RYR3: variants seen among roughly 807,000 people sequenced by gnomAD.
RYR3 encodes the protein ryanodine receptor 3, also known as brain ryanodine receptor-calcium release channel.
Under a neutral mutation model 584.3 loss-of-function variants are expected in RYR3, and 207 were observed. The ratio of observed to expected loss-of-function variants is 0.35; its 90% confidence interval spans 0.32 to 0.40. The LOEUF (loss-of-function observed/expected upper bound fraction) is 0.40. Among genes scored for constraint, RYR3 ranks in the 10% least tolerant of loss-of-function variants. The pLI is 1.00. For synonymous variants in RYR3, 2,416 were observed against 2,248.5 expected (o/e 1.07, Z -2.11); for missense variants, 5,616 against 6,089.2 (o/e 0.92, Z 2.59).
intron 41 of RYR3, among the ~76,000 whole-genome samples, chr15:33,700,434 TTGAAAAC>T (rs1176611797): frequency 6.6e-6 from 1 of 152,228 alleles, no homozygotes; most frequent in Non-Finnish European, 1.5e-5. Flanking sequence ...ATACTTGCAC[TTGAAAAC>T]TGAAGTTTCA....
Position 33,700,171 on chromosome 15 carries a change from A to T in RYR3, c.6379+338A>T, listed in dbSNP as rs148259271. Among the ~76,000 whole-genome samples the T allele has an allele frequency of 1.8e-4, 28 of 152,264 alleles. No homozygotes were observed. The East Asian group carries it at 4.8e-3, about 26-fold the overall frequency. On this transcript the variant is annotated intron_variant, in intron 41 of 103. Coordinates refer to ENST00000634891, the MANE Select transcript of RYR3 (RefSeq NM_001036.6). ...CTGGGGGCACAGCTCTTCCCAGCCCACTCAACTGACCAGGGAGCAGTGCTG... is the reference window on the plus strand; with the variant it reads ...CTGGGGGCACAGCTCTTCCCAGCCCTCTCAACTGACCAGGGAGCAGTGCTG...
At position 33,818,615 on chromosome 15, in the gene RYR3, C is replaced by G. The variant is rs550033490; in HGVS notation, c.10637C>G (p.Thr3546Arg). 6 of 1,613,814 alleles carry G rather than the reference C, an allele frequency of 3.7e-6. No homozygotes were observed. In the Admixed American group the frequency reaches 5.0e-5, roughly 13 times the overall value. ...GTGGAAGAGGAGGAGGAGGAAGAGA[C>G]AGAAAAACAACCTGACCCACTACAT... is the stretch of plus-strand genomic sequence containing the variant. ...PKVEEEEEEE[T>R]EKQPDPLHQI... Residue 3546 changes from threonine to arginine, a missense_variant, in exon 76 of 104, where the codon ACA becomes AGA. Physicochemically the swap from Thr to Arg is moderately conservative, Grantham distance 71 (BLOSUM62 -1). Transcript: ENST00000634891.
At chr15:33,630,299 G>C (rs1440334910) in intron 22 of RYR3, among the ~76,000 whole-genome samples, 1 of 152,046 alleles carries the variant, frequency 6.6e-6, no homozygotes, top group Non-Finnish European at 1.5e-5. Context: ...TAGAATCAAA[G>C]GACCAAGTAC....
chr15:33,514,756 CT>C (rs1392080245), intron 3 of RYR3, among the ~76,000 whole-genome samples: 1 of 152,022 alleles, frequency 6.6e-6, no homozygotes, highest in Non-Finnish European at 1.5e-5. Flanking sequence ...AATCCTAGCA[CT>C]TTGGGAGGCT....
chr15:33,553,050 G>A (rs1167319349), intron 10 of RYR3, among the ~76,000 whole-genome samples: 1 of 152,148 alleles, frequency 6.6e-6, no homozygotes. Context: ...GGTAGCCTGA[G>A]ATAGCGGTTC....
At chr15:33,854,625 C>A (rs1410746900) in intron 97 of RYR3, 141 bp from the exon 98 acceptor site, 2 of 1,168,632 alleles carry the variant, frequency 1.7e-6, no homozygotes, top group African/African-American at 1.5e-5. Flanking sequence ...GCTCACTTAG[C>A]AGATCTTGGG....
intron 23 of RYR3, among the ~76,000 whole-genome samples, chr15:33,631,690 C>G (rs1595897714): frequency 6.6e-6 from 1 of 152,198 alleles, no homozygotes; most frequent in Non-Finnish European, 1.5e-5. Context: ...TGCCACCATT[C>G]GTTTGACCTC....
chr15:33,749,875 C>A, intron 55 of RYR3, 104 bp from the exon 56 acceptor site: 1 of 873,218 alleles, frequency 1.1e-6, no homozygotes, highest in Non-Finnish European at 1.8e-6. Context: ...TGTTAGTGTT[C>A]AGTGGTGTGC....
chr15:33,398,546 A>G (rs2042435074), intron 1 of RYR3, among the ~76,000 whole-genome samples: 1 of 152,202 alleles, frequency 6.6e-6, no homozygotes, highest in African/African-American at 2.4e-5. Context: ...TAGTCAGTGT[A>G]TCTATACTTA....
chr15:33,537,129 GT>G (rs1247487347), intron 5 of RYR3, among the ~76,000 whole-genome samples: 1 of 152,174 alleles, frequency 6.6e-6, no homozygotes, highest in Non-Finnish European at 1.5e-5. Flanking sequence ...TTACTTTAGA[GT>G]TTTCCAATAG....
rs1239617346 is a variant in RYR3, at chr15:33,739,914, C to T, written c.7739C>T (p.Thr2580Ile). Residue 2580 changes from threonine to isoleucine, a missense_variant, in exon 51 of 104, where the codon ACC becomes ATC. Transcript: ENST00000634891. Reference sequence around the variant, plus strand: ...GCCTTGCCACCAGATTATTTAGATACCAGAATCACAGCCACGTTGGAGAAA... The same window carrying T: ...GCCTTGCCACCAGATTATTTAGATATCAGAATCACAGCCACGTTGGAGAAA... The part of the protein sequence containing the change: ...AGALPPDYLD[T>I]RITATLEKQI... 6 of 1,613,684 alleles carry T rather than the reference C, an allele frequency of 3.7e-6. No individual in the cohort carries two copies. The South Asian group carries it at 5.5e-5, about 15-fold the overall frequency.
chr15:33,627,726 T>C lies in RYR3; in HGVS notation c.2575-745T>C, dbSNP rs554622154. On this transcript the variant is annotated intron_variant, in intron 20 of 103. Transcript: ENST00000634891. ...GGTGACACTAGAGAGTGTTTTGACA[T>C]GATTTTTTGTTGTAGACTTGTCCCA... Among the ~76,000 whole-genome samples the C allele has an allele frequency of 1.6e-3, 249 of 152,334 alleles. 6 individuals are homozygous for C. In the South Asian group the frequency reaches 0.038, roughly 23 times the overall value.
At chr15:33,670,391 A>G in intron 37 of RYR3, 28 bp from the exon 38 acceptor site, 1 of 1,611,402 alleles carries the variant, frequency 6.2e-7, no homozygotes, top group Non-Finnish European at 8.5e-7. Context: ...ACTGCTTTGG[A>G]TTTTCACCCT....
chr15:33,669,956 C>T (rs527250251), intron 37 of RYR3, among the ~76,000 whole-genome samples: 3 of 148,982 alleles, frequency 2.0e-5, no homozygotes, highest in African/African-American at 7.4e-5. Context: ...TACTTGGATA[C>T]GTACCTACTG....
chr15:33,766,797 C>T (rs2073114656), intron 60 of RYR3, among the ~76,000 whole-genome samples: 1 of 152,246 alleles, frequency 6.6e-6, no homozygotes, highest in African/African-American at 2.4e-5. Context: ...CAGCCCTTTG[C>T]CCGTGGGTCT....
chr15:33,370,224 G>C (rs1020120342), intron 1 of RYR3, among the ~76,000 whole-genome samples: 1 of 152,082 alleles, frequency 6.6e-6, no homozygotes, highest in Non-Finnish European at 1.5e-5. Context: ...TTCCAAAAAA[G>C]GCTATTATTT....
chr15:33,457,928 G>A (rs192405041), intron 1 of RYR3, among the ~76,000 whole-genome samples: 2 of 152,276 alleles, frequency 1.3e-5, no homozygotes, highest in East Asian at 3.9e-4. Flanking sequence ...GTCATGGAGC[G>A]GTTTGGGAGT....
chr15:33,854,865 A>G lies in RYR3; in HGVS notation c.13960A>G (p.Lys4654Glu). 6.2e-7 allele frequency: 1 copy of G among 1,613,780 alleles called. No individual in the cohort carries two copies. The highest frequency in any genetic ancestry group is 8.5e-7 in the Non-Finnish European group (1 of 1,179,816). The change falls in exon 98 of 104, where the codon AAG becomes GAG. Residue 4654 changes from lysine (K) to glutamate (E), a missense_variant. By Grantham distance (56) the Lys-to-Glu change is moderately conservative (BLOSUM62 1). This residue lies in a region of RYR3 where 918 missense variants were observed against 887.4 expected (regional missense o/e 1.03). Coordinates refer to ENST00000634891, the MANE Select transcript of RYR3 (RefSeq NM_001036.6). ...AHLLDIAMGF[K>E]TLRTILSSVT... Reference sequence around the variant, plus strand: ...CCTATTGGACATCGCAATGGGCTTCAAGACACTGAGGACCATTCTGTCATC... The same window carrying G: ...CCTATTGGACATCGCAATGGGCTTCGAGACACTGAGGACCATTCTGTCATC...
At chr15:33,351,874 A>G (rs936880258) in intron 1 of RYR3, among the ~76,000 whole-genome samples, 17 of 150,274 alleles carry the variant, frequency 1.1e-4, no homozygotes, top group African/African-American at 4.2e-4. Flanking sequence ...CTCTCTCACC[A>G]CTCCTATTCA....
Sources: gnomAD v4.1 joint callset for allele counts (sites outside exome capture counted in the v4.1 genomes callset) on GRCh38, gnomAD v4.1.1 for gene constraint, gnomAD v4.1.1 regional missense constraint, MANE v1.5 for transcripts, NCBI Gene and HGNC (gene_info 2026-07-23, HGNC 2026-07-21) for gene names.